The following FAM135B variants were observed in gnomAD, a reference collection of about 807,000 sequenced individuals.
FAM135B encodes family with sequence similarity 135 member B, also known as protein FAM135B.
In FAM135B, 43 loss-of-function variants were observed where a neutral mutation model predicts 127.7. The ratio of observed to expected loss-of-function variants is 0.34; its 90% CI spans 0.26 to 0.43. The LOEUF (loss-of-function observed/expected upper bound fraction) is 0.43, where lower values mean the gene tolerates loss of function less well. Ranked by LOEUF, FAM135B falls within the 20% of genes least tolerant of loss-of-function variation. The pLI, the probability that FAM135B is intolerant of heterozygous loss-of-function variation, is 1.00. For missense variants in FAM135B, 1,558 were observed against 1,725.6 expected, an observed-to-expected ratio of 0.90 and a Z score of 1.72; for synonymous variants, 670 against 665.1, an observed-to-expected ratio of 1.01 and a Z score of -0.11.
chr8:138,309,481 T>C (rs1203842094), intron 3 of FAM135B, among the ~76,000 whole-genome samples: 1 of 152,210 alleles, frequency 6.6e-6, no homozygotes, highest in African/African-American at 2.4e-5. Context: ...TGGCCATCAG[T>C]GTCTTTCCTT....
At chr8:138,146,580 G>C (rs1005175727) in intron 14 of FAM135B, among the ~76,000 whole-genome samples, 1 of 152,112 alleles carries the variant, frequency 6.6e-6, no homozygotes, top group Non-Finnish European at 1.5e-5. Context: ...AGACATGGCA[G>C]AGCAAGCTCT....
intron 7 of FAM135B, among the ~76,000 whole-genome samples, chr8:138,230,711 G>A (rs1045625173): frequency 6.6e-6 from 1 of 152,132 alleles, no homozygotes. Flanking sequence ...GTAGACAGTG[G>A]GAACATGACA....
rs1265308504 is a variant in FAM135B at position 138,361,625 on chromosome 8, C to T, written c.77+6282G>A. The stretch of plus-strand genomic sequence containing the variant: ...TAGAAAGTCTGTGGCAGTTGACACT[C>T]ACATCCCTACATCTCCAAGTCTAAT... On this transcript the variant is annotated intron_variant, in intron 2 of 19. Coordinates refer to ENST00000395297, the MANE Select transcript of FAM135B (RefSeq NM_015912.4). 3.9e-5 allele frequency among the ~76,000 whole-genome samples: 6 copies of T among 152,152 alleles called. No homozygotes were observed. The East Asian group carries it at 1.2e-3, about 29-fold the overall frequency.
intron 7 of FAM135B, among the ~76,000 whole-genome samples, chr8:138,203,150 C>A (rs957160939): frequency 1.3e-5 from 2 of 152,170 alleles, no homozygotes; most frequent in African/African-American, 2.4e-5. Context: ...CATAGCTTAG[C>A]TTGTTATCAA....
At position 138,131,607 on chromosome 8, in the gene FAM135B, T is replaced by A. The variant is rs2130469634; in HGVS notation, c.*986A>T. On this transcript the variant is annotated 3_prime_UTR_variant, in exon 20 of 20. Transcript: ENST00000395297. Reference sequence around the variant, plus strand: ...TCTTAGAGCTCCCCTGAGGTTTTAATCCAGCACTCCTCCATTTAGATGTTT... The same window carrying A: ...TCTTAGAGCTCCCCTGAGGTTTTAAACCAGCACTCCTCCATTTAGATGTTT... 1 of 152,774 alleles carries A rather than the reference T, an allele frequency of 6.5e-6. No individual in the cohort carries two copies. Among genetic ancestry groups the A allele is most frequent in the Admixed American group, 6.5e-5 (1 of 15,308 alleles). 9.5% of individuals were successfully genotyped at this position (152,774 alleles called of 1,614,324 possible). A position where few individuals can be genotyped will look rare whatever the true frequency, so the allele number is the denominator to read the frequency against.
intron 2 of FAM135B, among the ~76,000 whole-genome samples, chr8:138,360,770 C>T (rs890372828): frequency 6.6e-6 from 1 of 152,130 alleles, no homozygotes. Context: ...ACTTCTAGTA[C>T]ATGATGAAGT....
At position 138,132,698 on chromosome 8, in the gene FAM135B, G is replaced by C. The variant is rs758184042; in HGVS notation, c.4116C>G (p.Asn1372Lys). 1 of 1,614,240 alleles carries C rather than the reference G, an allele frequency of 6.2e-7. No homozygotes were observed. Among genetic ancestry groups the C allele is most frequent in the Non-Finnish European group, 8.5e-7 (1 of 1,180,048 alleles). ...IRHNVFHALP[N>K]TANTLIGRAA... is the part of the protein sequence containing the mutation. ...CTCGGCCGATCAGGGTGTTGGCAGTGTTGGGCAGGGCGTGGAACACGTTGT... is the reference window on the plus strand; with the variant it reads ...CTCGGCCGATCAGGGTGTTGGCAGTCTTGGGCAGGGCGTGGAACACGTTGT... Residue 1372 changes from asparagine (N) to lysine (K), a missense_variant, in exon 20 of 20, where the codon AAC becomes AAG. Coordinates refer to ENST00000395297, the MANE Select transcript of FAM135B (RefSeq NM_015912.4). The surrounding 1 kb of genome is among the most constrained non-coding windows in gnomAD (Gnocchi z 4.5).
chr8:138,188,844 G>A (rs1021812067), intron 9 of FAM135B, among the ~76,000 whole-genome samples: 1 of 152,108 alleles, frequency 6.6e-6, no homozygotes, highest in African/African-American at 2.4e-5. Flanking sequence ...AGGTCCACTG[G>A]AGTCAGCCTT....
chr8:138,266,959 T>C (rs1822988712), intron 3 of FAM135B, among the ~76,000 whole-genome samples: 1 of 152,192 alleles, frequency 6.6e-6, no homozygotes, highest in Admixed American at 6.5e-5. Flanking sequence ...TTGTGGTTAC[T>C]TTCCTTAATT....
At chr8:138,401,929 C>T (rs988417634) in intron 1 of FAM135B, among the ~76,000 whole-genome samples, 1 of 152,116 alleles carries the variant, frequency 6.6e-6, no homozygotes, top group African/African-American at 2.4e-5. Context: ...CTCTGCTCTC[C>T]ACAGATATTT....
At chr8:138,221,219 GC>G (rs1819001803) in intron 7 of FAM135B, among the ~76,000 whole-genome samples, 1 of 152,186 alleles carries the variant, frequency 6.6e-6, no homozygotes. Context: ...TTCTGGGGAA[GC>G]CTCAGGAAAC....
At chr8:138,314,880 A>T (rs1482563178) in intron 2 of FAM135B, among the ~76,000 whole-genome samples, 2 of 36,228 alleles carry the variant, frequency 5.5e-5, no homozygotes, top group Non-Finnish European at 8.9e-5. Flanking sequence ...ACCTTACCTC[A>T]AAAAAAAAAA....
chr8:138,207,016 C>T (rs755030161), intron 7 of FAM135B, among the ~76,000 whole-genome samples: 3 of 152,178 alleles, frequency 2.0e-5, no homozygotes, highest in African/African-American at 4.8e-5. Flanking sequence ...ATCCTACAAG[C>T]GAGTGTTGAG....
chr8:138,269,846 A>G (rs965325111), intron 3 of FAM135B, among the ~76,000 whole-genome samples: 12 of 152,294 alleles, frequency 7.9e-5, no homozygotes, highest in Admixed American at 3.3e-4. Context: ...ATCCAAACAG[A>G]TTTCTTCATA....
At chr8:138,190,431 T>C (rs1489485723) in intron 9 of FAM135B, among the ~76,000 whole-genome samples, 1 of 152,206 alleles carries the variant, frequency 6.6e-6, no homozygotes, top group East Asian at 1.9e-4. Flanking sequence ...GGCTTAAGAC[T>C]GACAAAACAG....
At chr8:138,490,270 A>C (rs1815145433) in intron 1 of FAM135B, among the ~76,000 whole-genome samples, 1 of 152,238 alleles carries the variant, frequency 6.6e-6, no homozygotes, top group Admixed American at 6.5e-5. Flanking sequence ...CAGACTCCAC[A>C]TAAAAGATAA....
In FAM135B at chr8:138,197,113, GTGTGTA is replaced by G. The variant is rs1336864526; in HGVS notation, c.823+397_823+402del. Among the ~76,000 whole-genome samples, 7 of 58,700 alleles carry G rather than the reference GTGTGTA, an allele frequency of 1.2e-4. No individual in the cohort carries two copies. In the East Asian group the frequency reaches 1.7e-3, roughly 15 times the overall value. 38.5% of individuals were successfully genotyped at this position (58,700 alleles called of 152,430 possible). On this transcript the variant is annotated intron_variant, in intron 8 of 19. Coordinates refer to ENST00000395297, the MANE Select transcript of FAM135B (RefSeq NM_015912.4). ...TGTGTGTGTGTGTGTGTGTGTGTGT[GTGTGTA>G]TATATATAGTTTTTATGAGGATTGT...
At chr8:138,150,784 T>C (rs1818074484) in intron 13 of FAM135B, among the ~76,000 whole-genome samples, 1 of 152,172 alleles carries the variant, frequency 6.6e-6, no homozygotes, top group African/African-American at 2.4e-5. Context: ...TATTGTGTAA[T>C]CATTACAATG....
intron 3 of FAM135B, among the ~76,000 whole-genome samples, chr8:138,308,390 C>A (rs777108231): frequency 3.7e-4 from 57 of 152,194 alleles, no homozygotes; most frequent in Non-Finnish European, 5.7e-4. Flanking sequence ...TTAAAAGTCA[C>A]AAGTTTTGGA....
Sources: gnomAD v4.1 joint callset for allele counts (sites outside exome capture counted in the v4.1 genomes callset) on GRCh38, gnomAD v4.1.1 for gene constraint, Gnocchi (gnomAD v3.1) non-coding constraint, MANE v1.5 for transcripts, NCBI Gene and HGNC (gene_info 2026-07-23, HGNC 2026-07-21) for gene names.